Variants in CDH18 observed in about 807,000 individuals in gnomAD.
The protein encoded by CDH18 is cadherin 18, also known as cadherin-18.
CDH18 carries 31 observed loss-of-function variants against 67.9 expected under a neutral mutation model. That is an observed-to-expected ratio of 0.46 (90% CI 0.34 to 0.62). The LOEUF (loss-of-function observed/expected upper bound fraction) is 0.62, where lower values mean the gene tolerates loss of function less well. Ranked by LOEUF, CDH18 falls within the 20% of genes least tolerant of loss-of-function variation. The probability of loss-of-function intolerance (pLI) is 0.01; values close to 1 mark genes in which losing one functional copy is unlikely to be tolerated. For missense variants in CDH18, 890 were observed against 975.5 expected, an observed-to-expected ratio of 0.91 and a Z score of 1.17; for synonymous variants, 362 against 347.2, an observed-to-expected ratio of 1.04 and a Z score of -0.48.
intron 2 of CDH18, among the ~76,000 whole-genome samples, chr5:20,138,297 T>C (rs1335759072): frequency 6.6e-6 from 1 of 152,116 alleles, no homozygotes; most frequent in Non-Finnish European, 1.5e-5. Flanking sequence ...ATAAACTAGG[T>C]ATTGATGGGA....
At chr5:20,395,816 T>A (rs1562029954) in intron 1 of CDH18, among the ~76,000 whole-genome samples, 1 of 151,924 alleles carries the variant, frequency 6.6e-6, no homozygotes, top group Non-Finnish European at 1.5e-5. Flanking sequence ...CCCTTCCACT[T>A]CCAGTGAGGG....
intron 4 of CDH18, among the ~76,000 whole-genome samples, chr5:19,746,448 T>G (rs1215877125): frequency 6.6e-6 from 1 of 152,222 alleles, no homozygotes; most frequent in Non-Finnish European, 1.5e-5. Flanking sequence ...ATATAAATGC[T>G]TAGGAATATC....
chr5:20,288,387 T>C (rs1746846580), intron 1 of CDH18, among the ~76,000 whole-genome samples: 1 of 151,702 alleles, frequency 6.6e-6, no homozygotes, highest in African/African-American at 2.4e-5. Flanking sequence ...GAGTAAGAAA[T>C]GTGACCAGTG....
Position 20,350,336 on chromosome 5 carries a change from G to A in CDH18, c.-579-94831C>T, listed in dbSNP as rs1741064921. On this transcript the variant is annotated intron_variant, in intron 1 of 14. Coordinates refer to the CDH18 transcript ENST00000507958. ...ATGTGTTTTATGATATGTTTCAATG[G>A]TTCATTTAATTTAATTCAAAGAAGT... Among the ~76,000 whole-genome samples, 6 of 152,008 alleles carry A rather than the reference G, an allele frequency of 3.9e-5. 1 individual carries two copies. The South Asian group carries it at 1.2e-3, about 32-fold the overall frequency.
intron 2 of CDH18, among the ~76,000 whole-genome samples, chr5:19,965,478 G>A (rs1797335916): frequency 6.6e-6 from 1 of 151,920 alleles, no homozygotes; most frequent in Non-Finnish European, 1.5e-5. Context: ...TTTAAAATAT[G>A]GAAACACACT....
intron 4 of CDH18, among the ~76,000 whole-genome samples, chr5:19,742,035 AG>A (rs1291289154): frequency 6.6e-6 from 1 of 152,244 alleles, no homozygotes; most frequent in Non-Finnish European, 1.5e-5. Flanking sequence ...TAGATCAAAA[AG>A]ATACATGCAA....
chr5:20,292,289 G>A (rs988424337), intron 1 of CDH18, among the ~76,000 whole-genome samples: 2 of 152,292 alleles, frequency 1.3e-5, no homozygotes, highest in Non-Finnish European at 1.5e-5. Context: ...TTCTGAGATT[G>A]AGAAACACTG....
chr5:20,098,884 TTAAG>T (rs1277810450), intron 2 of CDH18, among the ~76,000 whole-genome samples: 3 of 152,178 alleles, frequency 2.0e-5, no homozygotes, highest in African/African-American at 7.2e-5. Context: ...TAGCCACGAA[TTAAG>T]TTAGTCAGCA....
chr5:20,238,164 C>T lies in CDH18; in HGVS notation c.-518+17280G>A, dbSNP rs370334202. 5.7e-4 allele frequency among the ~76,000 whole-genome samples: 86 copies of T among 152,058 alleles called. No homozygotes were observed. In the South Asian group the frequency reaches 0.016, roughly 28 times the overall value. ...AACATAAATGGAAAACCTACGTCAA[C>T]CCTCCCACAATAAAACATAAGATAA... On this transcript the variant is annotated intron_variant, in intron 2 of 14. Coordinates refer to the CDH18 transcript ENST00000507958.
At chr5:19,846,970 C>T (rs565129364) in intron 2 of CDH18, among the ~76,000 whole-genome samples, 144 of 151,832 alleles carry the variant, frequency 9.5e-4, no homozygotes, top group East Asian at 4.5e-3. Flanking sequence ...TCACTTCTGG[C>T]CTTTATGATT....
intron 2 of CDH18, among the ~76,000 whole-genome samples, chr5:20,039,463 TAATCAAA>T (rs905207970): frequency 3.3e-5 from 5 of 152,142 alleles, no homozygotes; most frequent in Admixed American, 3.3e-4. Context: ...AAGGCTACAG[TAATCAAA>T]ACAGCATGGT....
At chr5:20,396,031 C>CAT (rs1174397692) in intron 1 of CDH18, among the ~76,000 whole-genome samples, 1 of 152,162 alleles carries the variant, frequency 6.6e-6, no homozygotes, top group Non-Finnish European at 1.5e-5. Context: ...TAAATAGTTA[C>CAT]ATATAAATAA....
intron 2 of CDH18, among the ~76,000 whole-genome samples, chr5:20,147,124 C>T (rs1189020665): frequency 6.6e-6 from 1 of 152,080 alleles, no homozygotes; most frequent in Non-Finnish European, 1.5e-5. Context: ...ATTCCTCTGA[C>T]TCATTTTCAA....
chr5:19,515,623 G>T (rs1047311614), intron 10 of CDH18, among the ~76,000 whole-genome samples: 1 of 152,078 alleles, frequency 6.6e-6, no homozygotes, highest in Non-Finnish European at 1.5e-5. Flanking sequence ...TTGTGAATGG[G>T]AGTTCACTCA....
chr5:19,652,731 G>C (rs1755764386), intron 5 of CDH18, among the ~76,000 whole-genome samples: 1 of 152,092 alleles, frequency 6.6e-6, no homozygotes, highest in Non-Finnish European at 1.5e-5. Context: ...TGGAGGAATT[G>C]TGGAGTACAG....
intron 5 of CDH18, among the ~76,000 whole-genome samples, chr5:19,630,885 A>G (rs533439373): frequency 2.0e-5 from 3 of 152,220 alleles, no homozygotes; most frequent in African/African-American, 7.2e-5. Context: ...GGGAATTAAC[A>G]TGGCAAATAA....
intron 3 of CDH18, among the ~76,000 whole-genome samples, chr5:19,792,364 C>T (rs536805886): frequency 1.3e-5 from 2 of 152,246 alleles, no homozygotes; most frequent in South Asian, 2.1e-4. Flanking sequence ...AGTAGCTTTC[C>T]TGGTTCTCAA....
chr5:19,712,808 T>C (rs1764874488), intron 5 of CDH18, among the ~76,000 whole-genome samples: 1 of 151,640 alleles, frequency 6.6e-6, no homozygotes, highest in Admixed American at 6.6e-5. Flanking sequence ...TTTCTAGATT[T>C]CATTGTACAT....
rs929876408 is a variant in CDH18, at chr5:20,415,201, T to C, written c.-579-159696A>G. On this transcript the variant is annotated intron_variant, in intron 1 of 14. Coordinates refer to the CDH18 transcript ENST00000507958. ...AGGAGTTTGAGGCCAGCCTGGGCAA[T>C]ATGGTGAAACCCTGTCTCTACTAAA... Among the ~76,000 whole-genome samples, 4 of 151,086 alleles carry C rather than the reference T, an allele frequency of 2.6e-5. No individual in the cohort carries two copies. In the East Asian group the frequency reaches 7.9e-4, roughly 30 times the overall value.
Sources: gnomAD v4.1 joint callset for allele counts (sites outside exome capture counted in the v4.1 genomes callset) on GRCh38, gnomAD v4.1.1 for gene constraint, MANE v1.5 for transcripts, NCBI Gene and HGNC (gene_info 2026-07-23, HGNC 2026-07-21) for gene names.